Variants in MAP3K1 observed in about 807,000 individuals in gnomAD.
MAP3K1 encodes the protein mitogen-activated protein kinase kinase kinase 1, also known as MAP/ERK kinase kinase 1.
A neutral mutation model predicts 144.2 loss-of-function variants in MAP3K1; 36 were observed. That is an observed-to-expected ratio of 0.25 (90% CI 0.19 to 0.33). MAP3K1 has a LOEUF of 0.33. MAP3K1 is among the 10% of genes least tolerant of loss of function. The pLI is 1.00. For synonymous variants in MAP3K1, 718 were observed against 688.7 expected, an observed-to-expected ratio of 1.04 and a Z score of -0.67; for missense variants, 1,650 against 1,881.9, an observed-to-expected ratio of 0.88 and a Z score of 2.28.
At chr5:56,868,047 C>T (rs376003377) in intron 6 of MAP3K1, among the ~76,000 whole-genome samples, 1 of 152,036 alleles carries the variant, frequency 6.6e-6, no homozygotes. Context: ...ATGTAAAAAT[C>T]GGAAGGAATA....
At chr5:56,859,686 A>G (rs757749186) in intron 2 of MAP3K1, 29 bp from the exon 3 acceptor site, 1 of 1,512,764 alleles carries the variant, frequency 6.6e-7, no homozygotes, top group Non-Finnish European at 9.2e-7. Flanking sequence ...ATTTTTAAGT[A>G]ATCAAAATAT....
intron 1 of MAP3K1, among the ~76,000 whole-genome samples, chr5:56,852,528 A>C (rs112016308): frequency 6.2e-4 from 95 of 152,320 alleles, no homozygotes; most frequent in African/African-American, 2.3e-3. Flanking sequence ...CATGTTTCCT[A>C]AATAAACAGG....
At chr5:56,851,697 C>T (rs772355268) in intron 1 of MAP3K1, among the ~76,000 whole-genome samples, 5 of 152,188 alleles carry the variant, frequency 3.3e-5, no homozygotes, top group Admixed American at 1.3e-4. Context: ...CTGACTCAGG[C>T]GTACAATACC....
chr5:56,888,638 A>G (rs1748454588), intron 19 of MAP3K1, among the ~76,000 whole-genome samples: 1 of 152,230 alleles, frequency 6.6e-6, no homozygotes, highest in Admixed American at 6.5e-5. Context: ...AGCGAGTCAC[A>G]GCTCCCAGTC....
At chr5:56,890,190 C>T (rs927434711) in intron 19 of MAP3K1, among the ~76,000 whole-genome samples, 1 of 152,048 alleles carries the variant, frequency 6.6e-6, no homozygotes, top group Admixed American at 6.5e-5. Flanking sequence ...TTTCTTCTTC[C>T]CAGAGTCTTA....
chr5:56,827,905 T>G (rs976418542), intron 1 of MAP3K1, among the ~76,000 whole-genome samples: 2 of 152,014 alleles, frequency 1.3e-5, no homozygotes, highest in Non-Finnish European at 2.9e-5. Flanking sequence ...TTAGACCTGT[T>G]AGCTACTTGG....
In MAP3K1 at chr5:56,881,816, C is replaced by T. The variant is rs1456715307; in HGVS notation, c.2616C>T (p.Gly872=). The part of the protein sequence containing the change: ...EVEIAEAIQL[G]VEDTLDGQQD... The stretch of plus-strand genomic sequence containing the variant: ...AAATTGCCGAAGCCATCCAGTTGGG[C>T]GTAGAAGACACTTTGGATGGTCAAC... Residue 872 remains glycine, a synonymous_variant, in exon 14 of 20, where the codon GGC becomes GGT. Transcript: ENST00000399503. The T allele has an allele frequency of 1.2e-5, 19 of 1,613,940 alleles. No individual in the cohort carries two copies. The highest frequency in any genetic ancestry group is 8.0e-5 in the African/African-American group (6 of 74,900).
At chr5:56,852,891 A>G (rs905492166) in intron 1 of MAP3K1, among the ~76,000 whole-genome samples, 6 of 152,164 alleles carry the variant, frequency 3.9e-5, no homozygotes, top group Middle Eastern at 3.2e-3. Flanking sequence ...AATCACTGCT[A>G]TATACATACA....
chr5:56,871,704 C>CACCT (rs1399118664), intron 6 of MAP3K1, among the ~76,000 whole-genome samples: 1 of 152,120 alleles, frequency 6.6e-6, no homozygotes, highest in Non-Finnish European at 1.5e-5. Flanking sequence ...GGTTAACTCA[C>CACCT]ACCTACAATC....
At chr5:56,886,820 G>C (rs1490457614) in intron 17 of MAP3K1, among the ~76,000 whole-genome samples, 1 of 152,114 alleles carries the variant, frequency 6.6e-6, no homozygotes, top group African/African-American at 2.4e-5. Context: ...GGAGTGTAGT[G>C]TTGCAAACTT....
At chr5:56,822,484 T>TA (rs968821145) in intron 1 of MAP3K1, among the ~76,000 whole-genome samples, 3 of 152,176 alleles carry the variant, frequency 2.0e-5, no homozygotes, top group African/African-American at 7.2e-5. Flanking sequence ...GAATTCCTGG[T>TA]ATTTGAAAGT....
chr5:56,863,654 T>TA (rs1349405321), intron 3 of MAP3K1, among the ~76,000 whole-genome samples: 1 of 152,250 alleles, frequency 6.6e-6, no homozygotes, highest in African/African-American at 2.4e-5. Context: ...CTTGAGTTTA[T>TA]ACCTAGGAAT....
chr5:56,831,586 T>C (rs147900221), intron 1 of MAP3K1, among the ~76,000 whole-genome samples: 3 of 152,368 alleles, frequency 2.0e-5, no homozygotes, highest in African/African-American at 7.2e-5. Flanking sequence ...TACACATTTA[T>C]TAAATGATAT....
chr5:56,826,899 C>G (rs1045961222), intron 1 of MAP3K1, among the ~76,000 whole-genome samples: 1 of 152,250 alleles, frequency 6.6e-6, no homozygotes, highest in African/African-American at 2.4e-5. Context: ...AAGTCTCCAT[C>G]ACTTGCCTGT....
chr5:56,816,876 G>A (rs1182499220), intron 1 of MAP3K1, among the ~76,000 whole-genome samples: 1 of 152,236 alleles, frequency 6.6e-6, no homozygotes, highest in African/African-American at 2.4e-5. Context: ...TTTGGCCTTT[G>A]AAGTTTGCAT....
intron 1 of MAP3K1, among the ~76,000 whole-genome samples, chr5:56,816,464 G>A (rs1457067207): frequency 2.0e-5 from 3 of 152,076 alleles, no homozygotes; most frequent in Non-Finnish European, 4.4e-5. Context: ...ACTGGGGGGC[G>A]AGGCCCGAGC....
At chr5:56,879,509 C>G (rs1748142480) in intron 11 of MAP3K1, among the ~76,000 whole-genome samples, 1 of 152,110 alleles carries the variant, frequency 6.6e-6, no homozygotes, top group Non-Finnish European at 1.5e-5. Context: ...AAAAAATTAA[C>G]AAATCCATCT....
chr5:56,886,167 G>GC, intron 17 of MAP3K1, 104 bp downstream of exon 17: 1 of 874,632 alleles, frequency 1.1e-6, no homozygotes, highest in Non-Finnish European at 1.9e-6. Flanking sequence ...ACTTTGGGAG[G>GC]TGAAGGCAGG....
intron 1 of MAP3K1, among the ~76,000 whole-genome samples, chr5:56,834,877 T>A (rs764971836): frequency 2.6e-5 from 4 of 152,186 alleles, no homozygotes; most frequent in Non-Finnish European, 5.9e-5. Flanking sequence ...AGAGAATAAC[T>A]TGTATAAAAT....
Sources: gnomAD v4.1 joint callset for allele counts (sites outside exome capture counted in the v4.1 genomes callset) on GRCh38, gnomAD v4.1.1 for gene constraint, MANE v1.5 for transcripts, NCBI Gene and HGNC (gene_info 2026-07-23, HGNC 2026-07-21) for gene names.